The following CNTNAP2 variants were observed in gnomAD, a reference collection of about 807,000 sequenced individuals.
The protein encoded by CNTNAP2 is contactin associated protein 2.
Under a neutral mutation model 155.2 loss-of-function variants are expected in CNTNAP2, and 98 were observed. That is an observed-to-expected ratio of 0.63 (90% CI 0.54 to 0.75). The LOEUF (loss-of-function observed/expected upper bound fraction) is 0.75. Ranked by LOEUF, CNTNAP2 falls within the 30% of genes least tolerant of loss-of-function variation. The probability of loss-of-function intolerance (pLI) is 0.00; values close to 1 mark genes in which losing one functional copy is unlikely to be tolerated. For synonymous variants in CNTNAP2, 651 were observed against 631.2 expected (o/e 1.03, Z -0.47); for missense variants, 1,727 against 1,688.1 (o/e 1.02, Z -0.40).
intron 3 of CNTNAP2, among the ~76,000 whole-genome samples, chr7:146,855,827 A>G (rs779140267): frequency 0.1 from 6,493 of 63,700 alleles, 449 homozygotes; most frequent in African/African-American, 0.22. Flanking sequence ...ATATATATAT[A>G]TATATATATA....
chr7:147,501,069 G>T (rs1449954417), intron 11 of CNTNAP2, among the ~76,000 whole-genome samples: 1 of 151,878 alleles, frequency 6.6e-6, no homozygotes, highest in East Asian at 1.9e-4. Context: ...ATGCAAGGAT[G>T]GTTTGATATA....
At chr7:147,622,607 C>CA (rs1252058882) in intron 12 of CNTNAP2, among the ~76,000 whole-genome samples, 3 of 151,674 alleles carry the variant, frequency 2.0e-5, no homozygotes, top group Non-Finnish European at 3.0e-5. Flanking sequence ...CACAACATAC[C>CA]AAAAAATCTA....
intron 1 of CNTNAP2, among the ~76,000 whole-genome samples, chr7:146,270,258 T>C (rs1330236372): frequency 1.3e-5 from 2 of 152,180 alleles, no homozygotes; most frequent in Non-Finnish European, 2.9e-5. Flanking sequence ...TTCAAGACCC[T>C]CCATATTCAA....
At chr7:146,414,902 A>G (rs1021835281) in intron 1 of CNTNAP2, among the ~76,000 whole-genome samples, 1 of 152,220 alleles carries the variant, frequency 6.6e-6, no homozygotes, top group African/African-American at 2.4e-5. Context: ...TTTGAAAGAG[A>G]ATAAAATAAG....
intron 12 of CNTNAP2, among the ~76,000 whole-genome samples, chr7:147,634,062 T>C (rs967629501): frequency 3.9e-5 from 6 of 152,156 alleles, no homozygotes; most frequent in Non-Finnish European, 8.8e-5. Context: ...CCTAAAGAAC[T>C]AAAGGTAGAG....
intron 1 of CNTNAP2, among the ~76,000 whole-genome samples, chr7:146,591,475 G>T (rs943144429): frequency 8.6e-6 from 1 of 116,356 alleles, no homozygotes; most frequent in Non-Finnish European, 1.9e-5. Context: ...GAAAATAGAT[G>T]TGAAATTTTA....
At chr7:147,764,826 G>A (rs1237418149) in intron 13 of CNTNAP2, among the ~76,000 whole-genome samples, 2 of 152,256 alleles carry the variant, frequency 1.3e-5, no homozygotes, top group East Asian at 3.9e-4. Context: ...TCTGCTTGGT[G>A]CTAACTAAAA....
At chr7:146,942,837 A>C (rs1254350606) in intron 3 of CNTNAP2, among the ~76,000 whole-genome samples, 1 of 152,226 alleles carries the variant, frequency 6.6e-6, no homozygotes, top group East Asian at 1.9e-4. Flanking sequence ...TGTTGCCTGC[A>C]TCAACACTAA....
chr7:146,707,775 T>C (rs904952838), intron 1 of CNTNAP2, among the ~76,000 whole-genome samples: 1 of 152,180 alleles, frequency 6.6e-6, no homozygotes, highest in Admixed American at 6.5e-5. Flanking sequence ...GTTTTAAGCA[T>C]TATACATTTG....
intron 8 of CNTNAP2, among the ~76,000 whole-genome samples, chr7:147,144,623 A>G (rs1030311983): frequency 2.6e-4 from 40 of 152,188 alleles, no homozygotes; most frequent in Non-Finnish European, 4.7e-4. Flanking sequence ...TGGTTTGTTC[A>G]TAAAAAAGCT....
intron 1 of CNTNAP2, among the ~76,000 whole-genome samples, chr7:146,494,367 A>C (rs186594686): frequency 1.3e-5 from 2 of 151,746 alleles, no homozygotes; most frequent in Non-Finnish European, 2.9e-5. Context: ...ATAAATAAAT[A>C]AATAAAAATA....
chr7:147,110,897 G>A (rs891483991), intron 5 of CNTNAP2, among the ~76,000 whole-genome samples: 1 of 152,094 alleles, frequency 6.6e-6, no homozygotes, highest in Non-Finnish European at 1.5e-5. Flanking sequence ...ATCCAGTAAT[G>A]GGATTGCTGG....
chr7:146,123,735 C>T (rs990581718), intron 1 of CNTNAP2, among the ~76,000 whole-genome samples: 2 of 151,954 alleles, frequency 1.3e-5, no homozygotes, highest in East Asian at 3.9e-4. Context: ...GTTAAAAAAA[C>T]AGTCTGTTAA....
rs1437137355 is a variant in CNTNAP2 at position 146,451,870 on chromosome 7, C to T, written c.98-322401C>T. 9.8e-4 allele frequency among the ~76,000 whole-genome samples: 59 copies of T among 60,398 alleles called. 5 individuals carry two copies. The highest frequency in any genetic ancestry group is 9.3e-3 in the African/African-American group (54 of 5,828). The allele number at this position is 60,398 out of a possible 152,430, so 39.6% of individuals were successfully genotyped here. On this transcript the variant is annotated intron_variant, in intron 1 of 23. Transcript: ENST00000361727. ...TACACGTATTCTATATATATATATA[C>T]GTATATATACACATATACATATATT...
At chr7:147,831,616 T>C (rs1276219339) in intron 13 of CNTNAP2, among the ~76,000 whole-genome samples, 3 of 152,158 alleles carry the variant, frequency 2.0e-5, no homozygotes, top group East Asian at 3.8e-4. Context: ...GACCTACTTG[T>C]TTTGAAAGAA....
chr7:146,408,196 A>G (rs1486846865), intron 1 of CNTNAP2, among the ~76,000 whole-genome samples: 2 of 152,214 alleles, frequency 1.3e-5, no homozygotes, highest in African/African-American at 4.8e-5. Context: ...GTTGAACCAT[A>G]TTAATTGCTT....
At chr7:147,743,495 A>G (rs900827079) in intron 13 of CNTNAP2, among the ~76,000 whole-genome samples, 2 of 152,122 alleles carry the variant, frequency 1.3e-5, no homozygotes, top group Admixed American at 6.5e-5. Context: ...TATCTTCCCA[A>G]TTAATGCTAT....
intron 3 of CNTNAP2, among the ~76,000 whole-genome samples, chr7:146,930,832 A>G (rs1259915783): frequency 6.6e-6 from 1 of 152,168 alleles, no homozygotes; most frequent in East Asian, 1.9e-4. Flanking sequence ...ATCAAAAGAG[A>G]CAAAGAAGGC....
At position 146,675,438 on chromosome 7, in the gene CNTNAP2, G is replaced by GACTT. The variant is rs1396552507; in HGVS notation, c.98-98832_98-98829dup. 3.9e-5 allele frequency among the ~76,000 whole-genome samples: 6 copies of GACTT among 152,318 alleles called. No homozygotes were observed. In the South Asian group the frequency reaches 6.2e-4, roughly 16 times the overall value. ...GTTTCAAGCCTTGGCTCCACCAAGT[G>GACTT]ACTTGCTCTATGACCTTAGGTTTCA... On this transcript the variant is annotated intron_variant, in intron 1 of 23. Transcript: ENST00000361727.
Sources: allele counts gnomAD v4.1 joint callset (sites outside exome capture counted in the v4.1 genomes callset), GRCh38; gene constraint gnomAD v4.1.1; transcripts MANE v1.5; gene names NCBI Gene and HGNC (gene_info 2026-07-23, HGNC 2026-07-21).